Variants in GNB4 observed in about 807,000 individuals in gnomAD.
GNB4 encodes the protein guanine nucleotide-binding protein subunit beta-4.
A neutral mutation model predicts 45.2 loss-of-function variants in GNB4; 28 were observed. That is an observed-to-expected ratio of 0.62 (90% confidence interval 0.46 to 0.85). The LOEUF (loss-of-function observed/expected upper bound fraction) is 0.85, where lower values mean the gene tolerates loss of function less well. Among genes scored for constraint, GNB4 ranks in the 40% least tolerant of loss-of-function variants. The pLI, the probability that GNB4 is intolerant of heterozygous loss-of-function variation, is 0.00. For missense variants in GNB4, 321 were observed against 425.4 expected, an observed-to-expected ratio of 0.75 and a Z score of 2.16; for synonymous variants, 132 against 143.7, an observed-to-expected ratio of 0.92 and a Z score of 0.58.
chr3:179,484,751 G>A, the GNB4 span, among the ~76,000 whole-genome samples: 4 of 151,770 alleles, frequency 2.6e-5, no homozygotes, highest in East Asian at 5.8e-4. Flanking sequence ...ATTTTCTTCC[G>A]ACATTAGTTA....
intron 4 of GNB4, among the ~76,000 whole-genome samples, chr3:179,417,835 G>A (rs1028310731): frequency 6.6e-6 from 1 of 152,108 alleles, no homozygotes; most frequent in African/African-American, 2.4e-5. Flanking sequence ...CAGATTCTTG[G>A]GTAGCAATCA....
At chr3:179,481,566 C>T in the GNB4 span, among the ~76,000 whole-genome samples, 2 of 152,070 alleles carry the variant, frequency 1.3e-5, no homozygotes, top group Admixed American at 1.3e-4. Flanking sequence ...TCTTGAATTC[C>T]TAAGCTCAAG....
In GNB4 at chr3:179,435,470, C is replaced by CAAAA. The variant is rs11389978; in HGVS notation, c.-42-9232_-42-9229dup. Among the ~76,000 whole-genome samples, 68 of 95,978 alleles carry CAAAA rather than the reference C, an allele frequency of 7.1e-4. 1 individual carries two copies. The highest frequency in any genetic ancestry group is 2.3e-3 in the East Asian group (8 of 3,482). The allele number at this position is 95,978 out of a possible 152,430, so 63.0% of individuals were successfully genotyped here. A position where few individuals can be genotyped will look rare whatever the true frequency, so the allele number is the denominator to read the frequency against. On this transcript the variant is annotated intron_variant, in intron 1 of 9. Transcript: ENST00000232564. Reference sequence around the variant, plus strand: ...ATACACACACCATTCCTTTCTTTTACAAAAAAAAAAAAAAAAAAAAATCAG... The same window carrying CAAAA: ...ATACACACACCATTCCTTTCTTTTACAAAAAAAAAAAAAAAAAAAAAAAAATCAG...
chr3:179,494,392 G>C, the GNB4 span, among the ~76,000 whole-genome samples: 1 of 152,058 alleles, frequency 6.6e-6, no homozygotes, highest in Non-Finnish European at 1.5e-5. Context: ...AAAATCACTA[G>C]CTGGGTGTTG....
the GNB4 span, among the ~76,000 whole-genome samples, chr3:179,493,855 A>T: frequency 2.0e-5 from 3 of 152,200 alleles, no homozygotes; most frequent in Non-Finnish European, 4.4e-5. Context: ...TAACAGTCTG[A>T]TCTATGTAGA....
intron 1 of GNB4, among the ~76,000 whole-genome samples, chr3:179,450,164 A>G (rs1032835119): frequency 6.6e-6 from 1 of 152,240 alleles, no homozygotes; most frequent in Non-Finnish European, 1.5e-5. Context: ...GCAACATGGA[A>G]AATCTTAAAA....
the GNB4 span, among the ~76,000 whole-genome samples, chr3:179,474,675 C>A: frequency 6.9e-6 from 1 of 144,994 alleles, no homozygotes; most frequent in Non-Finnish European, 1.5e-5. Flanking sequence ...GACCTGGAGT[C>A]ATGTTGCCCA....
chr3:179,436,741 CAG>C (rs1210239737), intron 1 of GNB4, among the ~76,000 whole-genome samples: 1 of 152,156 alleles, frequency 6.6e-6, no homozygotes. Flanking sequence ...GAGAGGAAAA[CAG>C]AAGTTGCAGA....
intron 1 of GNB4, among the ~76,000 whole-genome samples, chr3:179,446,003 G>C (rs1271025318): frequency 6.6e-6 from 1 of 152,206 alleles, no homozygotes; most frequent in Non-Finnish European, 1.5e-5. Context: ...TAGCATCTGA[G>C]TGTAGAAACA....
chr3:179,489,235 T>C, the GNB4 span, among the ~76,000 whole-genome samples: 1 of 151,596 alleles, frequency 6.6e-6, no homozygotes, highest in African/African-American at 2.4e-5. Flanking sequence ...GAAAATAAAA[T>C]GCTATGTAGA....
chr3:179,404,704 C>T (rs552411916), intron 9 of GNB4, among the ~76,000 whole-genome samples: 29 of 152,224 alleles, frequency 1.9e-4, no homozygotes, highest in African/African-American at 5.5e-4. Flanking sequence ...CTAAAAATTA[C>T]TCTGTATGAC....
At chr3:179,474,737 CTTTTTTTTTT>C in the GNB4 span, among the ~76,000 whole-genome samples, 4 of 59,726 alleles carry the variant, frequency 6.7e-5, no homozygotes, top group African/African-American at 2.9e-4. Flanking sequence ...AGACTGGGTC[CTTTTTTTTTT>C]TTTTTTTTTT....
chr3:179,525,081 C>CTT, the GNB4 span, among the ~76,000 whole-genome samples: 4 of 152,164 alleles, frequency 2.6e-5, no homozygotes, highest in East Asian at 7.7e-4. Flanking sequence ...ACTTAAGGAA[C>CTT]AGACAGGAGA....
chr3:179,412,989 G>A (rs893014168), intron 8 of GNB4, among the ~76,000 whole-genome samples: 2 of 152,084 alleles, frequency 1.3e-5, no homozygotes, highest in African/African-American at 4.8e-5. Context: ...AGACCAGCCT[G>A]GACAACATGG....
At chr3:179,475,575 T>A in the GNB4 span, among the ~76,000 whole-genome samples, 2 of 151,882 alleles carry the variant, frequency 1.3e-5, no homozygotes, top group Non-Finnish European at 2.9e-5. Flanking sequence ...TGGGTTCAAG[T>A]GATTCTCCTG....
At chr3:179,526,065 A>G in the GNB4 span, among the ~76,000 whole-genome samples, 4 of 152,218 alleles carry the variant, frequency 2.6e-5, no homozygotes, top group African/African-American at 9.6e-5. Flanking sequence ...GAGAGTCAGC[A>G]AAGGGAGATA....
chr3:179,491,257 A>G, the GNB4 span, among the ~76,000 whole-genome samples: 1 of 152,190 alleles, frequency 6.6e-6, no homozygotes, highest in East Asian at 1.9e-4. Flanking sequence ...TTAAATTACA[A>G]TAATACATAA....
the GNB4 span, among the ~76,000 whole-genome samples, chr3:179,468,035 A>AAAAAAATATATATATAT: frequency 1.0e-4 from 9 of 89,846 alleles, no homozygotes; most frequent in African/African-American, 2.0e-4. Flanking sequence ...TGTTGATAAA[A>AAAAAAATATATATATAT]ATATATATAT....
At chr3:179,427,171 C>A (rs532827542) in intron 1 of GNB4, among the ~76,000 whole-genome samples, 15 of 152,086 alleles carry the variant, frequency 9.9e-5, no homozygotes, top group African/African-American at 3.6e-4. Context: ...TAAATCTGCC[C>A]AAATGTGATC....
Sources: gnomAD v4.1 joint callset for allele counts (sites outside exome capture counted in the v4.1 genomes callset) on GRCh38, gnomAD v4.1.1 for gene constraint, MANE v1.5 for transcripts, NCBI Gene and HGNC (gene_info 2026-07-23, HGNC 2026-07-21) for gene names.